The following RUNX2 variants were observed in gnomAD, a reference collection of about 807,000 sequenced individuals.
RUNX2 encodes runt-related transcription factor 2.
RUNX2 carries 10 observed loss-of-function variants against 51.7 expected under a neutral mutation model. The observed-to-expected ratio is 0.19, with a 90% CI of 0.12 to 0.33. RUNX2 has a LOEUF of 0.33. Among genes scored for constraint, RUNX2 ranks in the 10% least tolerant of loss-of-function variants. RUNX2 has a pLI of 1.00. For synonymous variants in RUNX2, 276 were observed against 273.6 expected (o/e 1.01, Z -0.09); for missense variants, 562 against 691.3 (o/e 0.81, Z 2.10).
chr6:45,474,417 A>G (rs1333497605), intron 5 of RUNX2, among the ~76,000 whole-genome samples: 1 of 151,798 alleles, frequency 6.6e-6, no homozygotes, highest in Non-Finnish European at 1.5e-5. Flanking sequence ...ATTTCAGTAG[A>G]CAATACAATG....
chr6:45,444,042 G>T (rs1397795355), intron 5 of RUNX2, among the ~76,000 whole-genome samples: 1 of 152,110 alleles, frequency 6.6e-6, no homozygotes. Flanking sequence ...GTAGAGACGG[G>T]ATTTTGCCAT....
intron 2 of RUNX2, among the ~76,000 whole-genome samples, chr6:45,410,793 T>C (rs952299007): frequency 5.9e-5 from 9 of 152,230 alleles, no homozygotes; most frequent in African/African-American, 2.2e-4. Context: ...CCCTTGTCTT[T>C]CTTTTCACCT....
intron 5 of RUNX2, among the ~76,000 whole-genome samples, chr6:45,440,427 A>G (rs1381323356): frequency 6.6e-6 from 1 of 152,214 alleles, no homozygotes; most frequent in African/African-American, 2.4e-5. Context: ...ATAATGTTAA[A>G]TGGGAGATCC....
chr6:45,534,186 C>T (rs545765088), intron 7 of RUNX2, among the ~76,000 whole-genome samples: 12 of 152,136 alleles, frequency 7.9e-5, no homozygotes, highest in East Asian at 1.9e-4. Context: ...TGAGCCACCA[C>T]GCCCAGACCT....
chr6:45,515,871 G>A (rs1801303826), intron 7 of RUNX2, among the ~76,000 whole-genome samples: 1 of 152,176 alleles, frequency 6.6e-6, no homozygotes, highest in South Asian at 2.1e-4. Flanking sequence ...CTAATGCTGT[G>A]TTCCAAGGGA....
chr6:45,343,123 T>G (rs1790154137), intron 2 of RUNX2, among the ~76,000 whole-genome samples: 1 of 152,194 alleles, frequency 6.6e-6, no homozygotes, highest in Non-Finnish European at 1.5e-5. Context: ...TATAATCAAC[T>G]TTCCAAACCT....
intron 5 of RUNX2, among the ~76,000 whole-genome samples, chr6:45,445,936 C>G (rs1255778713): frequency 6.6e-6 from 1 of 151,696 alleles, no homozygotes; most frequent in African/African-American, 2.4e-5. Flanking sequence ...TTTTTGTTGA[C>G]TGGCTGTCAG....
intron 2 of RUNX2, among the ~76,000 whole-genome samples, chr6:45,353,310 G>A (rs1792454362): frequency 6.6e-6 from 1 of 151,840 alleles, no homozygotes; most frequent in Admixed American, 6.6e-5. Context: ...AATTCATCTG[G>A]AAAAATAAAA....
chr6:45,409,550 T>C (rs1797906274), intron 2 of RUNX2, among the ~76,000 whole-genome samples: 1 of 152,244 alleles, frequency 6.6e-6, no homozygotes, highest in Non-Finnish European at 1.5e-5. Context: ...TCATACAGCA[T>C]ATGCAGTTTC....
At chr6:45,487,115 C>G (rs1442356147) in intron 5 of RUNX2, among the ~76,000 whole-genome samples, 1 of 152,184 alleles carries the variant, frequency 6.6e-6, no homozygotes, top group Non-Finnish European at 1.5e-5. Flanking sequence ...TCATATTCAG[C>G]TAAACACACT....
Position 45,548,412 on chromosome 6 carries a change from G to T in RUNX2, c.*1107G>T, listed in dbSNP as rs1473914852. The T allele has an allele frequency of 6.6e-6, 1 of 152,644 alleles. No individual in the cohort carries two copies. Among genetic ancestry groups the T allele is most frequent in the Non-Finnish European group, 1.5e-5 (1 of 68,046 alleles). 9.5% of individuals were successfully genotyped at this position (152,644 alleles called of 1,614,324 possible). A position where few individuals can be genotyped will look rare whatever the true frequency, so the allele number is the denominator to read the frequency against. On this transcript the variant is annotated 3_prime_UTR_variant, in exon 9 of 9. Transcript: ENST00000647337. ...TCCATCTCCAAATATTTTAGATATA[G>T]ATTGTTTTTGTGATGTATGAAGGAA...
chr6:45,346,510 T>A (rs1025133145), intron 2 of RUNX2, among the ~76,000 whole-genome samples: 1 of 151,970 alleles, frequency 6.6e-6, no homozygotes, highest in Non-Finnish European at 1.5e-5. Flanking sequence ...ACTCTTACTT[T>A]CTTTTCACAT....
At chr6:45,546,313 A>G (rs958884391) in intron 8 of RUNX2, among the ~76,000 whole-genome samples, 32 of 152,328 alleles carry the variant, frequency 2.1e-4, no homozygotes, top group African/African-American at 7.5e-4. Flanking sequence ...AGGAAATGAT[A>G]GGAACATGAT....
chr6:45,546,942 C>A lies in RUNX2; in HGVS notation c.1203C>A (p.Thr401=). 1 of 1,613,996 alleles carries A rather than the reference C, an allele frequency of 6.2e-7. No homozygotes were observed. Among genetic ancestry groups the A allele is most frequent in the Non-Finnish European group, 8.5e-7 (1 of 1,180,004 alleles). The change falls in exon 9 of 9, where the codon ACC becomes ACA. Residue 401 remains threonine, a synonymous_variant. Coordinates refer to ENST00000647337, the MANE Select transcript of RUNX2 (RefSeq NM_001024630.4). The part of the protein sequence containing the change: ...RMHYPATFTY[T]PPVTSGMSLG... Reference sequence around the variant, plus strand: ...ACTATCCAGCCACCTTTACTTACACCCCGCCAGTCACCTCAGGCATGTCCC... The same window carrying A: ...ACTATCCAGCCACCTTTACTTACACACCGCCAGTCACCTCAGGCATGTCCC...
intron 7 of RUNX2, among the ~76,000 whole-genome samples, chr6:45,514,383 G>A (rs563996723): frequency 1.4e-3 from 209 of 152,312 alleles, no homozygotes; most frequent in African/African-American, 4.8e-3. Context: ...TAGGGAGGCA[G>A]GAGCAGAAAC....
chr6:45,422,759 GGCGGCTGCGGCGGCGGCGGCGGCT>G lies in RUNX2; in HGVS notation c.231_254del (p.Ala82_Ala89del), dbSNP rs751554347. The stretch of plus-strand genomic sequence containing the variant: ...AGCAGCAGCAGCAGGAGGCGGCGGC[GGCGGCTGCGGCGGCGGCGGCGGCT>G]GCGGCGGCGGCAGCTGCAGTGCCCC... On this transcript the variant is annotated inframe_deletion, in exon 3 of 9. Coordinates refer to ENST00000647337, the MANE Select transcript of RUNX2 (RefSeq NM_001024630.4). 7.5e-7 allele frequency: 1 copy of G among 1,325,940 alleles called. No homozygotes were observed. The highest frequency in any genetic ancestry group is 1.0e-6 in the Non-Finnish European group (1 of 986,048). The allele number at this position is 1,325,940 out of a possible 1,614,324, so 82.1% of individuals were successfully genotyped here. A position where few individuals can be genotyped will look rare whatever the true frequency, so the allele number is the denominator to read the frequency against.
intron 6 of RUNX2, among the ~76,000 whole-genome samples, chr6:45,495,175 T>C (rs1238185871): frequency 6.6e-6 from 1 of 152,256 alleles, no homozygotes; most frequent in Non-Finnish European, 1.5e-5. Context: ...ATTCATCTTT[T>C]CTACCCTGCT....
At chr6:45,419,025 A>C (rs1798120866) in intron 2 of RUNX2, among the ~76,000 whole-genome samples, 1 of 152,242 alleles carries the variant, frequency 6.6e-6, no homozygotes. Context: ...TGAGGACTGC[A>C]TAGTTTGCTA....
intron 2 of RUNX2, among the ~76,000 whole-genome samples, chr6:45,343,459 T>C (rs1193923923): frequency 2.0e-5 from 3 of 152,150 alleles, no homozygotes; most frequent in African/African-American, 4.8e-5. Context: ...ATCTAATCTA[T>C]AATAATTGCA....
Sources: allele counts gnomAD v4.1 joint callset (sites outside exome capture counted in the v4.1 genomes callset), GRCh38; gene constraint gnomAD v4.1.1; transcripts MANE v1.5; gene names NCBI Gene and HGNC (gene_info 2026-07-23, HGNC 2026-07-21).